MITF: variants seen among roughly 807,000 people sequenced by gnomAD.
MITF encodes the protein microphthalmia-associated transcription factor.
In MITF, 17 loss-of-function variants were observed where a neutral mutation model predicts 60.5. That is an observed-to-expected ratio of 0.28 (90% CI 0.19 to 0.42). MITF has a LOEUF of 0.42. MITF is among the 10% of genes least tolerant of loss of function. The pLI is 1.00. For synonymous variants in MITF, 260 were observed against 248.5 expected (o/e 1.05, Z -0.43); for missense variants, 622 against 683.5 (o/e 0.91, Z 1.00).
chr3:69,745,190 G>A (rs1309274000), intron 1 of MITF, among the ~76,000 whole-genome samples: 3 of 152,142 alleles, frequency 2.0e-5, no homozygotes. Flanking sequence ...GTATGTAATA[G>A]TTTATTATTC....
chr3:69,938,500 A>G, intron 3 of MITF: 1 of 1,460,052 alleles, frequency 6.8e-7, no homozygotes, highest in Non-Finnish European at 9.0e-7. Context: ...AGTTGGGGGA[A>G]GAAAGAATGG....
At chr3:69,959,484 G>T (rs181338355) in intron 9 of MITF, 64 bp downstream of exon 9, 3 of 1,590,418 alleles carry the variant, frequency 1.9e-6, no homozygotes, top group Non-Finnish European at 2.6e-6. Context: ...TAGAAACAGG[G>T]ATATAATGAG....
chr3:69,893,914 A>T (rs908278848), intron 2 of MITF, among the ~76,000 whole-genome samples: 1 of 152,202 alleles, frequency 6.6e-6, no homozygotes, highest in African/African-American at 2.4e-5. Flanking sequence ...TTAATGATTG[A>T]CAGCCAAATT....
intron 2 of MITF, among the ~76,000 whole-genome samples, chr3:69,891,261 C>T (rs191046284): frequency 3.2e-4 from 48 of 152,306 alleles, no homozygotes; most frequent in African/African-American, 1.0e-3. Context: ...TTTTTATTGA[C>T]ACCTGGGACT....
intron 2 of MITF, among the ~76,000 whole-genome samples, chr3:69,891,109 A>G (rs1177510260): frequency 6.6e-6 from 1 of 152,182 alleles, no homozygotes; most frequent in African/African-American, 2.4e-5. Context: ...CTTTCAGGCC[A>G]TTGCAAAGTT....
chr3:69,945,225 TG>T (rs1017439324), intron 5 of MITF, among the ~76,000 whole-genome samples: 50 of 152,316 alleles, frequency 3.3e-4, no homozygotes, highest in African/African-American at 1.1e-3. Flanking sequence ...ATATTCATTT[TG>T]GTGGAGCACA....
intron 2 of MITF, among the ~76,000 whole-genome samples, chr3:69,934,487 A>C (rs1158807960): frequency 2.0e-5 from 3 of 152,256 alleles, no homozygotes; most frequent in African/African-American, 7.2e-5. Flanking sequence ...TGTTTTAGAT[A>C]TTGTGCTAAG....
intron 1 of MITF, among the ~76,000 whole-genome samples, chr3:69,827,735 T>G (rs1470774730): frequency 6.6e-6 from 1 of 152,046 alleles, no homozygotes; most frequent in Non-Finnish European, 1.5e-5. Context: ...ATTTTCCCTT[T>G]TTTTTTTGAC....
At chr3:69,875,698 A>G (rs895351086) in intron 1 of MITF, among the ~76,000 whole-genome samples, 8 of 152,222 alleles carry the variant, frequency 5.3e-5, no homozygotes, top group South Asian at 4.1e-4. Context: ...ATAAACCTCA[A>G]TTTGGAGCTT....
chr3:69,784,164 TTTG>T (rs372749718), intron 1 of MITF, among the ~76,000 whole-genome samples: 4,590 of 151,790 alleles, frequency 0.03, 240 homozygotes, highest in African/African-American at 0.1. Flanking sequence ...TGCTTTTTGT[TTTG>T]TTGTTGTTGT....
intron 1 of MITF, among the ~76,000 whole-genome samples, chr3:69,873,468 G>A (rs1055659630): frequency 6.6e-6 from 1 of 152,186 alleles, no homozygotes; most frequent in Non-Finnish European, 1.5e-5. Flanking sequence ...GTTGGGGGCA[G>A]TTCTTGTAGA....
intron 1 of MITF, among the ~76,000 whole-genome samples, chr3:69,856,660 A>G (rs2063924208): frequency 1.3e-5 from 2 of 152,162 alleles, no homozygotes; most frequent in Admixed American, 1.3e-4. Flanking sequence ...ATTCTCCCCC[A>G]AATTTCCAAA....
At chr3:69,773,766 A>G (rs780562177) in intron 1 of MITF, among the ~76,000 whole-genome samples, 2 of 152,202 alleles carry the variant, frequency 1.3e-5, no homozygotes, top group African/African-American at 2.4e-5. Flanking sequence ...ATACTTCTAT[A>G]TATTGATGTT....
At chr3:69,926,560 G>C (rs2065593891) in intron 2 of MITF, among the ~76,000 whole-genome samples, 1 of 152,102 alleles carries the variant, frequency 6.6e-6, no homozygotes, top group Admixed American at 6.5e-5. Flanking sequence ...GCATTTGAGG[G>C]GGGAAATGGT....
At chr3:69,774,620 TAA>T (rs1192267317) in intron 1 of MITF, among the ~76,000 whole-genome samples, 2 of 152,168 alleles carry the variant, frequency 1.3e-5, no homozygotes, top group African/African-American at 4.8e-5. Context: ...AGGAGTATTC[TAA>T]GTTTCCAGGT....
chr3:69,923,092 A>G (rs2065505031), intron 2 of MITF, among the ~76,000 whole-genome samples: 1 of 152,222 alleles, frequency 6.6e-6, no homozygotes, highest in South Asian at 2.1e-4. Flanking sequence ...AAATACTCAG[A>G]AGAAATAGTG....
At chr3:69,795,456 C>T (rs999664648) in intron 1 of MITF, among the ~76,000 whole-genome samples, 2 of 152,102 alleles carry the variant, frequency 1.3e-5, no homozygotes, top group African/African-American at 2.4e-5. Flanking sequence ...CTGGGCATAG[C>T]GGCTTATTCC....
intron 1 of MITF, among the ~76,000 whole-genome samples, chr3:69,815,196 G>A (rs1405541650): frequency 6.6e-6 from 1 of 152,148 alleles, no homozygotes; most frequent in East Asian, 1.9e-4. Flanking sequence ...TATCTCCTAG[G>A]AGTTAACAAG....
chr3:69,838,881 A>G (rs2063581166), intron 1 of MITF, among the ~76,000 whole-genome samples: 1 of 152,188 alleles, frequency 6.6e-6, no homozygotes, highest in Non-Finnish European at 1.5e-5. Flanking sequence ...TGCAAAGGTC[A>G]TGTGTAAGTT....
Sources: allele counts gnomAD v4.1 joint callset (sites outside exome capture counted in the v4.1 genomes callset), GRCh38; gene constraint gnomAD v4.1.1; transcripts MANE v1.5; gene names NCBI Gene and HGNC (gene_info 2026-07-23, HGNC 2026-07-21).